Variants in SETX observed in about 807,000 individuals in gnomAD.
SETX encodes helicase senataxin.
Under a neutral mutation model 227.2 loss-of-function variants are expected in SETX, and 90 were observed. The observed-to-expected ratio is 0.40, with a 90% CI of 0.33 to 0.47. The LOEUF (loss-of-function observed/expected upper bound fraction) is 0.47, where lower values mean the gene tolerates loss of function less well. SETX is among the 20% of genes least tolerant of loss of function. The pLI, the probability that SETX is intolerant of heterozygous loss-of-function variation, is 0.91. For synonymous variants in SETX, 1,210 were observed against 1,113.2 expected (o/e 1.09, Z -1.73); for missense variants, 3,052 against 3,181.5 (o/e 0.96, Z 0.98).
chr9:132,294,840 CAG>C (rs1844578341), intron 15 of SETX, among the ~76,000 whole-genome samples: 1 of 152,186 alleles, frequency 6.6e-6, no homozygotes, highest in African/African-American at 2.4e-5. Context: ...CTCTCTAAGG[CAG>C]AGTAGCCATA....
chr9:132,336,343 A>G lies in SETX; in HGVS notation c.671T>C (p.Leu224Pro), dbSNP rs1408925765. Reference sequence around the variant, plus strand: ...GGTAGTATCATACATGTGTGAGGGCAGAAGAATCAGTTTACCCTTCTCTAG... The same window carrying G: ...GGTAGTATCATACATGTGTGAGGGCGGAAGAATCAGTTTACCCTTCTCTAG... ...SVLEKGKLIL[L>P]PSHMYDTTNY... The change falls in exon 6 of 26, where the codon CTG becomes CCG. Residue 224 changes from leucine to proline, a missense_variant. Leu to Pro is a moderately conservative substitution (Grantham distance 98). Transcript: ENST00000224140. 6.2e-7 allele frequency: 1 copy of G among 1,614,132 alleles called. No homozygotes were observed. The highest frequency in any genetic ancestry group is 2.2e-5 in the East Asian group (1 of 44,878).
At chr9:132,320,882 GAACT>G (rs549931951) in intron 10 of SETX, among the ~76,000 whole-genome samples, 3 of 151,720 alleles carry the variant, frequency 2.0e-5, no homozygotes, top group Non-Finnish European at 4.4e-5. Flanking sequence ...GGGATGAATG[GAACT>G]AACTCAGCAA....
chr9:132,287,728 AAAAG>A (rs1843998715), intron 17 of SETX, among the ~76,000 whole-genome samples: 1 of 151,044 alleles, frequency 6.6e-6, no homozygotes, highest in African/African-American at 2.5e-5. Context: ...TAATTTTAAT[AAAAG>A]AAAAAATGAA....
intron 2 of SETX, among the ~76,000 whole-genome samples, chr9:132,352,303 C>T (rs1019778000): frequency 6.6e-6 from 1 of 152,184 alleles, no homozygotes; most frequent in Non-Finnish European, 1.5e-5. Flanking sequence ...CATAATTACC[C>T]CTGCCTTTGT....
In SETX at chr9:132,261,888, G is replaced by C. The variant is rs1438705841; in HGVS notation, c.*2351C>G. 2 of 154,456 alleles carry C rather than the reference G, an allele frequency of 1.3e-5. No homozygotes were observed. Among genetic ancestry groups the C allele is most frequent in the East Asian group, 3.8e-4 (2 of 5,206 alleles). The allele number at this position is 154,456 out of a possible 1,614,324, so 9.6% of individuals were successfully genotyped here. ...TTTAATGCCATGGCAAAGACGAAGC[G>C]AAGAGCCACACTTCACACCTTGTAA... On this transcript the variant is annotated 3_prime_UTR_variant, in exon 26 of 26. Coordinates refer to ENST00000224140, the MANE Select transcript of SETX (RefSeq NM_015046.7).
chr9:132,305,427 A>T (rs1038494942), intron 11 of SETX, among the ~76,000 whole-genome samples: 5 of 151,776 alleles, frequency 3.3e-5, no homozygotes, highest in African/African-American at 9.7e-5. Context: ...ATTTTTTTTT[A>T]AAAAGGACAA....
chr9:132,306,344 C>A (rs1845334605), intron 11 of SETX, among the ~76,000 whole-genome samples: 1 of 152,180 alleles, frequency 6.6e-6, no homozygotes, highest in Non-Finnish European at 1.5e-5. Flanking sequence ...TCCCTAATAG[C>A]TGGGATTACA....
chr9:132,329,016 T>A lies in SETX; in HGVS notation c.2582A>T (p.Asn861Ile). The A allele has an allele frequency of 1.2e-6, 2 of 1,607,400 alleles. No individual in the cohort carries two copies. The highest frequency in any genetic ancestry group is 8.5e-7 in the Non-Finnish European group (1 of 1,177,490). ...DKNGEQKSQN[N>I]VLPKEKQLKN... is the part of the protein sequence containing the mutation. The stretch of plus-strand genomic sequence containing the variant: ...TAATTGTTTCTCTTTTGGCAATACA[T>A]TGTTTTGAGATTTTTGTTCTCCATT... Residue 861 changes from asparagine (N) to isoleucine (I), a missense_variant, in exon 10 of 26, where the codon AAT becomes ATT. By Grantham distance (149) the Asn-to-Ile change is moderately radical. Coordinates refer to ENST00000224140, the MANE Select transcript of SETX (RefSeq NM_015046.7).
intron 15 of SETX, among the ~76,000 whole-genome samples, chr9:132,291,159 CTTTTTTT>C (rs139976052): frequency 4.8e-5 from 4 of 83,822 alleles, no homozygotes; most frequent in Admixed American, 1.6e-4. Flanking sequence ...GTTTGAAAAC[CTTTTTTT>C]TTTTTTTTTT....
At chr9:132,354,592 C>A (rs1231087612) in intron 1 of SETX, among the ~76,000 whole-genome samples, 2 of 152,000 alleles carry the variant, frequency 1.3e-5, no homozygotes, top group Non-Finnish European at 2.9e-5. Context: ...CTTTCCACCC[C>A]GAGACCTCCC....
intron 10 of SETX, among the ~76,000 whole-genome samples, chr9:132,320,441 G>A (rs1228035316): frequency 2.6e-5 from 4 of 151,850 alleles, no homozygotes; most frequent in Non-Finnish European, 4.4e-5. Flanking sequence ...TTAGCCAGAC[G>A]TGGTGCCGGA....
chr9:132,323,490 G>A (rs1846500563), intron 10 of SETX, among the ~76,000 whole-genome samples: 1 of 152,242 alleles, frequency 6.6e-6, no homozygotes, highest in East Asian at 1.9e-4. Flanking sequence ...GAGGGTGAGG[G>A]AACAGGAAGA....
intron 11 of SETX, among the ~76,000 whole-genome samples, chr9:132,302,683 A>AAC (rs1845081765): frequency 1.3e-5 from 1 of 76,638 alleles, no homozygotes; most frequent in East Asian, 1.3e-3. Context: ...AAAAAAAGCA[A>AAC]AAAAAAAAAA....
At chr9:132,333,412 T>TACACAC (rs1554822624) in intron 7 of SETX, among the ~76,000 whole-genome samples, 3 of 104,050 alleles carry the variant, frequency 2.9e-5, no homozygotes, top group African/African-American at 1.3e-4. Flanking sequence ...AAAAAAAATA[T>TACACAC]ATATACACAC....
intron 12 of SETX, among the ~76,000 whole-genome samples, chr9:132,299,835 A>T (rs1433788871): frequency 6.6e-6 from 1 of 152,092 alleles, no homozygotes; most frequent in African/African-American, 2.4e-5. Flanking sequence ...GGAAGATTAT[A>T]AATGTACATA....
intron 10 of SETX, among the ~76,000 whole-genome samples, chr9:132,317,325 A>AAATGATCAGAAT (rs1846030768): frequency 6.6e-6 from 1 of 151,906 alleles, no homozygotes; most frequent in Non-Finnish European, 1.5e-5. Flanking sequence ...GGTCATCTGC[A>AAATGATCAGAAT]AATGATCAGA....
chr9:132,350,649 A>AT (rs1443608440), intron 2 of SETX, among the ~76,000 whole-genome samples: 3 of 152,200 alleles, frequency 2.0e-5, no homozygotes, highest in Non-Finnish European at 2.9e-5. Flanking sequence ...ATATGAATTG[A>AT]TTTTTTAAAA....
At chr9:132,355,349 T>TTCTTTTTTCC (rs763514882), upstream of SETX, among the ~76,000 whole-genome samples, 11 of 134,558 alleles carry the variant, frequency 8.2e-5, no homozygotes, top group Non-Finnish European at 1.6e-4. Flanking sequence ...CTCTTTTTTC[T>TTCTTTTTTCC]TCTTTTTTCC....
chr9:132,307,823 T>G (rs1326089730), intron 11 of SETX, among the ~76,000 whole-genome samples: 1 of 152,016 alleles, frequency 6.6e-6, no homozygotes, highest in East Asian at 1.9e-4. Context: ...GGACTACAGG[T>G]ATGCGCCACC....
Sources: gnomAD v4.1 joint callset for allele counts (sites outside exome capture counted in the v4.1 genomes callset) on GRCh38, gnomAD v4.1.1 for gene constraint, MANE v1.5 for transcripts, NCBI Gene and HGNC (gene_info 2026-07-23, HGNC 2026-07-21) for gene names.